Variants in ALOX5AP observed in about 807,000 individuals in gnomAD.
ALOX5AP encodes the protein arachidonate 5-lipoxygenase-activating protein.
ALOX5AP carries 9 observed loss-of-function variants against 18.5 expected under a neutral mutation model. The ratio of observed to expected loss-of-function variants is 0.49; its 90% CI spans 0.29 to 0.85. The LOEUF (loss-of-function observed/expected upper bound fraction) is 0.85. Among genes scored for constraint, ALOX5AP ranks in the 40% least tolerant of loss-of-function variants. The probability of loss-of-function intolerance (pLI) is 0.08; values close to 1 mark genes in which losing one functional copy is unlikely to be tolerated. For synonymous variants in ALOX5AP, 81 were observed against 78.6 expected (o/e 1.03, Z -0.16); for missense variants, 172 against 202.5 (o/e 0.85, Z 0.91).
chr13:30,715,610 C>T (rs1310334265), intron 1 of ALOX5AP, among the ~76,000 whole-genome samples: 1 of 152,226 alleles, frequency 6.6e-6, no homozygotes, highest in Non-Finnish European at 1.5e-5. Flanking sequence ...ACCCATTCCC[C>T]AGGAAATGGC....
Position 30,762,071 on chromosome 13 carries a change from AGGGCT to A in ALOX5AP, c.324-1870_324-1866del, listed in dbSNP as rs1189049873. On this transcript the variant is annotated intron_variant, in intron 4 of 4. Transcript: ENST00000380490. ...GAGAGAATGAAGCTGGCCAAGGAAC[AGGGCT>A]GGTGTCAGCTAGCAGTGCTTTTCTG... Among the ~76,000 whole-genome samples the A allele has an allele frequency of 3.9e-5, 6 of 152,332 alleles. No individual in the cohort carries two copies. The South Asian group carries it at 8.3e-4, about 21-fold the overall frequency.
intron 1 of ALOX5AP, among the ~76,000 whole-genome samples, chr13:30,718,020 C>T (rs977949026): frequency 1.9e-4 from 29 of 150,858 alleles, no homozygotes; most frequent in Middle Eastern, 3.4e-3. Context: ...AGTGCAATGG[C>T]ACAATCTCAG....
chr13:30,756,520 A>C (rs1951895569), intron 4 of ALOX5AP, among the ~76,000 whole-genome samples: 1 of 152,222 alleles, frequency 6.6e-6, no homozygotes, highest in African/African-American at 2.4e-5. Flanking sequence ...TAAGATGCAG[A>C]CATGACAGCA....
intron 2 of ALOX5AP, among the ~76,000 whole-genome samples, chr13:30,748,212 G>A (rs1291996890): frequency 6.6e-6 from 1 of 152,078 alleles, no homozygotes; most frequent in South Asian, 2.1e-4. Flanking sequence ...AGCCACTGGT[G>A]CCTGGCCTAG....
chr13:30,734,389 C>T (rs1336547125), upstream of ALOX5AP, among the ~76,000 whole-genome samples: 8 of 152,226 alleles, frequency 5.3e-5, no homozygotes, highest in African/African-American at 1.7e-4. Context: ...AGATGCAGCC[C>T]TCCCTGCTGC....
At chr13:30,733,777 C>T (rs1221626497), upstream of ALOX5AP, among the ~76,000 whole-genome samples, 3 of 152,194 alleles carry the variant, frequency 2.0e-5, no homozygotes, top group Non-Finnish European at 2.9e-5. Flanking sequence ...GGCAAATTCC[C>T]TCTTCTTCTT....
intron 4 of ALOX5AP, among the ~76,000 whole-genome samples, chr13:30,761,510 A>G (rs1209676447): frequency 6.6e-6 from 1 of 152,220 alleles, no homozygotes; most frequent in African/African-American, 2.4e-5. Flanking sequence ...GCTAAAAAAT[A>G]TCCCTTACTT....
upstream of ALOX5AP, among the ~76,000 whole-genome samples, chr13:30,732,526 C>G (rs1951689614): frequency 6.6e-6 from 1 of 152,168 alleles, no homozygotes; most frequent in African/African-American, 2.4e-5. Flanking sequence ...CGGGATTAGT[C>G]AGTCCCCCTC....
At chr13:30,725,146 T>C (rs1951629729) in intron 1 of ALOX5AP, among the ~76,000 whole-genome samples, 1 of 125,378 alleles carries the variant, frequency 8.0e-6, no homozygotes, top group Admixed American at 7.9e-5. Flanking sequence ...AAGATGTCCG[T>C]GAGTTACAGA....
intron 1 of ALOX5AP, among the ~76,000 whole-genome samples, chr13:30,729,412 T>C (rs778175561): frequency 2.6e-5 from 4 of 152,188 alleles, no homozygotes; most frequent in Admixed American, 6.5e-5. Context: ...ATTGAACTAC[T>C]TTGTCAAAAA....
upstream of ALOX5AP, among the ~76,000 whole-genome samples, chr13:30,733,665 GCA>G (rs1220844068): frequency 2.0e-5 from 3 of 152,226 alleles, no homozygotes; most frequent in Non-Finnish European, 4.4e-5. Flanking sequence ...AAAGAGATCA[GCA>G]CTGGAATCAG....
chr13:30,732,111 G>A (rs146576796), upstream of ALOX5AP, among the ~76,000 whole-genome samples: 796 of 152,332 alleles, frequency 5.2e-3, 5 homozygotes, highest in African/African-American at 0.018. Flanking sequence ...CTCCATCCCC[G>A]GGCCTCTGCA....
At chr13:30,723,372 T>G (rs2137790030) in intron 1 of ALOX5AP, among the ~76,000 whole-genome samples, 1 of 152,372 alleles carries the variant, frequency 6.6e-6, no homozygotes, top group Non-Finnish European at 1.5e-5. Flanking sequence ...TTTGCTCCAC[T>G]GTATTGCTTT....
At chr13:30,737,087 G>T (rs1951728081) in intron 1 of ALOX5AP, among the ~76,000 whole-genome samples, 1 of 152,254 alleles carries the variant, frequency 6.6e-6, no homozygotes. Context: ...CACTTATTCA[G>T]CTCTGGAAGG....
At chr13:30,726,987 A>G (rs924841873) in intron 1 of ALOX5AP, among the ~76,000 whole-genome samples, 5 of 152,150 alleles carry the variant, frequency 3.3e-5, no homozygotes, top group Non-Finnish European at 5.9e-5. Context: ...AAAGATGAAT[A>G]AAGAGAAGAG....
At chr13:30,726,768 C>T (rs1051321661) in intron 1 of ALOX5AP, among the ~76,000 whole-genome samples, 13 of 151,520 alleles carry the variant, frequency 8.6e-5, no homozygotes, top group African/African-American at 3.2e-4. Flanking sequence ...CTGGGCTCAA[C>T]TGATTCTACC....
chr13:30,764,246 C>T lies in ALOX5AP; in HGVS notation c.*140C>T. ...TCTGGGCTTCACAGCTTGAGTTAAC[C>T]TTGCTTTTCCGGGAACAAAATGATG... On this transcript the variant is annotated 3_prime_UTR_variant, in exon 5 of 5. Transcript: ENST00000380490. The T allele has an allele frequency of 1.0e-6, 1 of 967,024 alleles. No individual in the cohort carries two copies. Among genetic ancestry groups the T allele is most frequent in the Non-Finnish European group, 1.5e-6 (1 of 679,522 alleles). 59.9% of individuals were successfully genotyped at this position (967,024 alleles called of 1,614,324 possible).
chr13:30,748,579 A>G (rs1184359794), intron 2 of ALOX5AP, among the ~76,000 whole-genome samples: 4 of 152,346 alleles, frequency 2.6e-5, no homozygotes, highest in Admixed American at 1.3e-4. Context: ...TTTTGCAGAA[A>G]AAATAGCGCA....
intron 2 of ALOX5AP, among the ~76,000 whole-genome samples, chr13:30,747,533 C>A (rs1029245875): frequency 5.3e-5 from 8 of 152,176 alleles, no homozygotes; most frequent in Non-Finnish European, 1.0e-4. Flanking sequence ...ATGGCTAGAG[C>A]AGCCTTGGTC....
Sources: allele counts gnomAD v4.1 joint callset (sites outside exome capture counted in the v4.1 genomes callset), GRCh38; gene constraint gnomAD v4.1.1; transcripts MANE v1.5; gene names NCBI Gene and HGNC (gene_info 2026-07-23, HGNC 2026-07-21).